Variants in GPR173 observed in about 807,000 individuals in gnomAD.
GPR173 encodes G protein-coupled receptor 173.
Under a neutral mutation model 13.9 loss-of-function variants are expected in GPR173, and 2 were observed. The ratio of observed to expected loss-of-function variants is 0.14; its 90% CI spans 0.06 to 0.45. GPR173 has a LOEUF of 0.45. Ranked by LOEUF, GPR173 falls within the 20% of genes least tolerant of loss-of-function variation. The pLI, the probability that GPR173 is intolerant of heterozygous loss-of-function variation, is 0.98. For missense variants in GPR173, 202 were observed against 340.5 expected, an observed-to-expected ratio of 0.59 and a Z score of 3.20; for synonymous variants, 131 against 141.0, an observed-to-expected ratio of 0.93 and a Z score of 0.50.
At chrX:53,074,195 G>T (rs199901355) in intron 1 of GPR173, among the ~76,000 whole-genome samples, 750 of 2,911 alleles carry the variant, frequency 0.26, 25 homozygotes, top group East Asian at 0.38. Flanking sequence ...TATTCATATA[G>T]AAATATATAT....
chrX:53,063,979 T>G (rs1205179989), intron 1 of GPR173, among the ~76,000 whole-genome samples: 1 of 111,316 alleles, frequency 9.0e-6, no homozygotes, highest in Non-Finnish European at 1.9e-5. Flanking sequence ...TTTTAACACA[T>G]GAAATCAGAA....
chrX:53,056,361 G>A (rs956964501), intron 1 of GPR173, among the ~76,000 whole-genome samples: 4 of 110,567 alleles, frequency 3.6e-5, no homozygotes, highest in Non-Finnish European at 7.6e-5. Flanking sequence ...GAGTATGTGA[G>A]AGCGTGGGGT....
chrX:53,061,010 G>T (rs1932118265), intron 1 of GPR173, among the ~76,000 whole-genome samples: 1 of 107,354 alleles, frequency 9.3e-6, no homozygotes, highest in Admixed American at 1.0e-4. Context: ...CATCAGGTCA[G>T]GAGATCGAGA....
At position 53,077,068 on chromosome X, in the gene GPR173, C is replaced by T; in HGVS notation, c.447C>T (p.Thr149=). The change falls in exon 2 of 2, where the codon ACC becomes ACT. Residue 149 remains threonine, a synonymous_variant. Transcript: ENST00000332582. The part of the protein sequence containing the change: ...TCAAVICMAW[T]LSVAMAFPPV... ...CGGCTGTCATCTGCATGGCCTGGACCCTGTCTGTGGCCATGGCCTTCCCAC... is the reference window on the plus strand; with the variant it reads ...CGGCTGTCATCTGCATGGCCTGGACTCTGTCTGTGGCCATGGCCTTCCCAC... The T allele has an allele frequency of 8.3e-7, 1 of 1,209,775 alleles. No individual in the cohort carries two copies. Among genetic ancestry groups the T allele is most frequent in the Non-Finnish European group, 1.1e-6 (1 of 893,946 alleles).
At position 53,068,952 on chromosome X, in the gene GPR173, C is replaced by CT. The variant is rs144589965; in HGVS notation, c.-97-7552dup. On this transcript the variant is annotated intron_variant, in intron 1 of 1. Coordinates refer to ENST00000332582, the MANE Select transcript of GPR173 (RefSeq NM_018969.6). Reference sequence around the variant, plus strand: ...TGGGTGACTGAGCGAGACCTTGTCTCTTTTTTTTTTTTTTTTTTTTTGAGA... The same window carrying CT: ...TGGGTGACTGAGCGAGACCTTGTCTCTTTTTTTTTTTTTTTTTTTTTTGAGA... Among the ~76,000 whole-genome samples, 197 of 64,887 alleles carry CT rather than the reference C, an allele frequency of 3.0e-3. 2 individuals carry two copies. The highest frequency in any genetic ancestry group is 6.9e-3 in the East Asian group (15 of 2,186). The allele number at this position is 64,887 out of a possible 115,157, so 56.3% of individuals were successfully genotyped here.
intron 1 of GPR173, among the ~76,000 whole-genome samples, chrX:53,074,387 T>A (rs1556805448): frequency 1.6e-5 from 1 of 62,440 alleles, no homozygotes; most frequent in Non-Finnish European, 2.6e-5. Context: ...AATATATAAA[T>A]ATATATAAAT....
In GPR173 at chrX:53,079,929, G is replaced by C. The variant is rs1556806429; in HGVS notation, c.*2186G>C. The C allele has an allele frequency of 1.6e-5, 2 of 122,696 alleles. No individual in the cohort carries two copies. The highest frequency in any genetic ancestry group is 3.8e-5 in the Non-Finnish European group (2 of 53,067). 10.1% of individuals were successfully genotyped at this position (122,696 alleles called of 1,213,427 possible). A position where few individuals can be genotyped will look rare whatever the true frequency, so the allele number is the denominator to read the frequency against. On this transcript the variant is annotated 3_prime_UTR_variant, in exon 2 of 2. Transcript: ENST00000332582. ...CACAAGATGGGCCTCCCTTGGCCCA[G>C]GCCCTGAGCACGGGAGGGCTGGGGC...
At chrX:53,058,904 C>CTT (rs201549482) in intron 1 of GPR173, among the ~76,000 whole-genome samples, 23,535 of 101,359 alleles carry the variant, frequency 0.23, 2,567 homozygotes, top group African/African-American at 0.4. Context: ...ACCTGTATTC[C>CTT]TTTTTTTTTT....
intron 1 of GPR173, among the ~76,000 whole-genome samples, chrX:53,061,185 TG>T (rs1932121327): frequency 9.5e-6 from 1 of 105,340 alleles, no homozygotes; most frequent in African/African-American, 3.5e-5. Flanking sequence ...ATTGCGCCAC[TG>T]CACTCCAGCC....
At chrX:53,074,775 T>G (rs1053069294) in intron 1 of GPR173, among the ~76,000 whole-genome samples, 1 of 96,417 alleles carries the variant, frequency 1.0e-5, no homozygotes, top group African/African-American at 3.8e-5. Context: ...AATTTATATA[T>G]AAATTTTTAT....
In GPR173 at chrX:53,077,528, A is replaced by G. The variant is rs371251366; in HGVS notation, c.907A>G (p.Ile303Val). Reference sequence around the variant, plus strand: ...CTTTCTGCTCCTCTGGTCACCCTACATCGTGGCCTGCTACTGGCGAGTGTT... The same window carrying G: ...CTTTCTGCTCCTCTGGTCACCCTACGTCGTGGCCTGCTACTGGCGAGTGTT... Reference protein sequence around the residue: ...LLFLLLWSPYIVACYWRVFVK... With the variant: ...LLFLLLWSPYVVACYWRVFVK... Residue 303 changes from isoleucine (I) to valine (V), a missense_variant, in exon 2 of 2, where the codon ATC (isoleucine) becomes GTC (valine). This residue lies in a region of GPR173 where 76 missense variants were observed against 116.3 expected (regional missense o/e 0.65). Transcript: ENST00000332582. 7.4e-6 allele frequency: 9 copies of G among 1,209,963 alleles called. No homozygotes were observed. In the African/African-American group the frequency reaches 8.7e-5, roughly 12 times the overall value.
intron 1 of GPR173, among the ~76,000 whole-genome samples, chrX:53,049,933 C>T (rs889644029): frequency 1.1e-4 from 10 of 88,736 alleles, no homozygotes; most frequent in Admixed American, 4.9e-4. Context: ...GCCTGCTGGC[C>T]GGGTGTGTGT....
At chrX:53,073,672 G>C (rs1454400739) in intron 1 of GPR173, among the ~76,000 whole-genome samples, 1 of 103,099 alleles carries the variant, frequency 9.7e-6, no homozygotes, top group Non-Finnish European at 1.9e-5. Context: ...TGTTCTTTCA[G>C]AGGAGAGTCA....
At chrX:53,052,632 T>TGTGTGTGTGA in intron 1 of GPR173, among the ~76,000 whole-genome samples, 1 of 106,894 alleles carries the variant, frequency 9.4e-6, no homozygotes, top group African/African-American at 3.5e-5. Flanking sequence ...TGTGTGTGTG[T>TGTGTGTGTGA]GAATATGCCT....
At chrX:53,072,416 CTATT>C (rs1556804854) in intron 1 of GPR173, among the ~76,000 whole-genome samples, 1 of 106,136 alleles carries the variant, frequency 9.4e-6, no homozygotes, top group Non-Finnish European at 1.9e-5. Flanking sequence ...CTCTCTCTCT[CTATT>C]TCTCTCCCTT....
At chrX:53,062,289 C>T (rs933519556) in intron 1 of GPR173, among the ~76,000 whole-genome samples, 1 of 110,581 alleles carries the variant, frequency 9.0e-6, no homozygotes, top group Admixed American at 9.8e-5. Context: ...ATCCCAATAG[C>T]CCCAAAGTCT....
At chrX:53,053,038 G>A (rs1931985096) in intron 1 of GPR173, among the ~76,000 whole-genome samples, 1 of 112,350 alleles carries the variant, frequency 8.9e-6, no homozygotes, top group African/African-American at 3.2e-5. Flanking sequence ...TCTCATATGG[G>A]TGTATGAACT....
chrX:53,052,602 CGT>C (rs781878545), intron 1 of GPR173, among the ~76,000 whole-genome samples: 5,991 of 100,124 alleles, frequency 0.06, 172 homozygotes, highest in African/African-American at 0.077. Flanking sequence ...CACACACACA[CGT>C]GTGTGTGTGT....
Position 53,074,388 on chromosome X carries a change from A to T in GPR173, c.-97-2137A>T, listed in dbSNP as rs868957063. On this transcript the variant is annotated intron_variant, in intron 1 of 1. Coordinates refer to ENST00000332582, the MANE Select transcript of GPR173 (RefSeq NM_018969.6). ...TTTATTTATAAATAAATATATAAAT[A>T]TATATAAATATATATTTATATTTAT... Among the ~76,000 whole-genome samples, 2 of 62,963 alleles carry T rather than the reference A, an allele frequency of 3.2e-5. 1 individual carries two copies. Among genetic ancestry groups the T allele is most frequent in the East Asian group, 1.0e-3 (2 of 1,971 alleles). 54.7% of individuals were successfully genotyped at this position (62,963 alleles called of 115,157 possible).
Sources: gnomAD v4.1 joint callset for allele counts (sites outside exome capture counted in the v4.1 genomes callset) on GRCh38, gnomAD v4.1.1 for gene constraint, gnomAD v4.1.1 regional missense constraint, MANE v1.5 for transcripts, NCBI Gene and HGNC (gene_info 2026-07-23, HGNC 2026-07-21) for gene names.